SPAM1: variants seen among roughly 807,000 people sequenced by gnomAD.
The protein encoded by SPAM1 is hyaluronidase PH-20.
In SPAM1, 22 loss-of-function variants were observed where a neutral mutation model predicts 29.6. That is an observed-to-expected ratio of 0.74 (90% CI 0.53 to 1.06). The LOEUF (loss-of-function observed/expected upper bound fraction) is 1.06. SPAM1 is among the 50% of genes least tolerant of loss of function. The pLI, the probability that SPAM1 is intolerant of heterozygous loss-of-function variation, is 0.00. For missense variants in SPAM1, 534 were observed against 604.0 expected, an observed-to-expected ratio of 0.88 and a Z score of 1.21; for synonymous variants, 194 against 204.6, an observed-to-expected ratio of 0.95 and a Z score of 0.44.
chr7:123,962,804 T>A (rs959685117), downstream of SPAM1, among the ~76,000 whole-genome samples: 1 of 151,932 alleles, frequency 6.6e-6, no homozygotes, highest in East Asian at 1.9e-4. Context: ...AGTTTTTTTG[T>A]ACATAATTCT....
intron 1 of SPAM1, among the ~76,000 whole-genome samples, chr7:123,931,830 C>T (rs776204935): frequency 3.3e-5 from 5 of 152,014 alleles, no homozygotes; most frequent in African/African-American, 4.8e-5. Context: ...GGTTACAAGC[C>T]GAGATCTCAG....
At position 123,943,737 on chromosome 7, in the gene SPAM1, A is replaced by G. The variant is rs528369661; in HGVS notation, c.-318-6135A>G. Among the ~76,000 whole-genome samples, 143 of 152,274 alleles carry G rather than the reference A, an allele frequency of 9.4e-4. 1 individual carries two copies. Among genetic ancestry groups the G allele is most frequent in the South Asian group, 3.1e-3 (15 of 4,828 alleles). On this transcript the variant is annotated intron_variant, in intron 1 of 4. Coordinates refer to ENST00000682466, the MANE Select transcript of SPAM1 (RefSeq NM_153189.3). Reference sequence around the variant, plus strand: ...AAATATAAAATGTTTAGAACCCTTGATATCACAAAATAGGATTACAGTCAT... The same window carrying G: ...AAATATAAAATGTTTAGAACCCTTGGTATCACAAAATAGGATTACAGTCAT...
At chr7:123,926,337 A>G (rs10237748) in intron 1 of SPAM1, among the ~76,000 whole-genome samples, 2,393 of 152,296 alleles carry the variant, frequency 0.016, 63 homozygotes, top group African/African-American at 0.055. Context: ...AAAGGCACGG[A>G]CCACAGACTG....
At chr7:123,969,832 A>C (rs1032459101) in intron 5 of SPAM1, among the ~76,000 whole-genome samples, 7 of 151,910 alleles carry the variant, frequency 4.6e-5, no homozygotes, top group African/African-American at 1.7e-4. Flanking sequence ...ACTTATGTGA[A>C]AAATGACATT....
intron 1 of SPAM1, among the ~76,000 whole-genome samples, chr7:123,944,380 G>A (rs1027012144): frequency 2.0e-5 from 3 of 152,184 alleles, no homozygotes; most frequent in Non-Finnish European, 2.9e-5. Flanking sequence ...AAAGTTACAC[G>A]GATGTAATAA....
intron 1 of SPAM1, among the ~76,000 whole-genome samples, chr7:123,927,046 TC>T (rs1807909118): frequency 6.6e-6 from 1 of 152,134 alleles, no homozygotes; most frequent in Admixed American, 6.6e-5. Context: ...AGGAAATAGA[TC>T]TTGGGGTTAA....
chr7:123,932,275 C>T (rs1238711035), intron 1 of SPAM1: 1 of 152,210 alleles, frequency 6.6e-6, no homozygotes, highest in Non-Finnish European at 1.5e-5. Flanking sequence ...GTTGTGCTTC[C>T]TCGGGTGGGA....
In SPAM1 at chr7:123,953,487, C is replaced by A; in HGVS notation, c.-84C>A. ...GTGAATTCATTCCATTCCCTTTCAT[C>A]TGTGCTCATACTTTGCATCAGATAT... On this transcript the variant is annotated 5_prime_UTR_variant, in exon 3 of 5. It adds an upstream start codon to the 5' untranslated region. Coordinates refer to ENST00000682466, the MANE Select transcript of SPAM1 (RefSeq NM_153189.3). The A allele has an allele frequency of 2.8e-6, 2 of 708,182 alleles. No homozygotes were observed. Among genetic ancestry groups the A allele is most frequent in the Non-Finnish European group, 4.6e-6 (2 of 430,448 alleles). The allele number at this position is 708,182 out of a possible 1,614,324, so 43.9% of individuals were successfully genotyped here. A position where few individuals can be genotyped will look rare whatever the true frequency, so the allele number is the denominator to read the frequency against.
intron 1 of SPAM1, among the ~76,000 whole-genome samples, chr7:123,931,744 C>T (rs1404227182): frequency 1.3e-5 from 2 of 152,060 alleles, no homozygotes; most frequent in South Asian, 2.1e-4. Flanking sequence ...TGTTCCTAGC[C>T]TTATGGTAGC....
Position 123,953,430 on chromosome 7 carries a change from A to G in SPAM1, c.-141A>G. On this transcript the variant is annotated 5_prime_UTR_variant, in exon 3 of 5. The change abolishes the stop of an existing upstream ORF in the 5' untranslated region. Transcript: ENST00000682466. ...AACAAGAATAATAATATTTAAATGT[A>G]ACTTAATCATTATACCTCTTTATCC... 1 of 513,704 alleles carries G rather than the reference A, an allele frequency of 1.9e-6. No individual in the cohort carries two copies. The highest frequency in any genetic ancestry group is 3.4e-6 in the Non-Finnish European group (1 of 295,406). 31.8% of individuals were successfully genotyped at this position (513,704 alleles called of 1,614,324 possible). A position where few individuals can be genotyped will look rare whatever the true frequency, so the allele number is the denominator to read the frequency against.
intron 1 of SPAM1, among the ~76,000 whole-genome samples, chr7:123,947,956 A>G (rs1808638757): frequency 6.6e-6 from 1 of 152,164 alleles, no homozygotes; most frequent in African/African-American, 2.4e-5. Flanking sequence ...GGGAAAGTTA[A>G]GACGAGGCTG....
At chr7:123,928,340 A>G (rs1451309925) in intron 1 of SPAM1, among the ~76,000 whole-genome samples, 3 of 152,172 alleles carry the variant, frequency 2.0e-5, no homozygotes, top group African/African-American at 7.2e-5. Flanking sequence ...TTAGATTGAT[A>G]TGGGTTTCCA....
intron 2 of SPAM1, among the ~76,000 whole-genome samples, chr7:123,952,600 A>G (rs995509052): frequency 1.3e-5 from 2 of 152,116 alleles, no homozygotes; most frequent in African/African-American, 4.8e-5. Flanking sequence ...ACAACACTTC[A>G]CTTTGTCACA....
chr7:123,952,586 T>G (rs1242720114), intron 2 of SPAM1, among the ~76,000 whole-genome samples: 7 of 152,130 alleles, frequency 4.6e-5, no homozygotes, highest in Non-Finnish European at 8.8e-5. Context: ...CTAAAGTATG[T>G]GCTACAACAC....
chr7:123,942,110 T>C (rs1344215494), intron 1 of SPAM1, among the ~76,000 whole-genome samples: 1 of 152,202 alleles, frequency 6.6e-6, no homozygotes, highest in African/African-American at 2.4e-5. Flanking sequence ...TCTTCTAAAG[T>C]TTAAGTTGTC....
rs369551175 is a variant in SPAM1 at position 123,953,873 on chromosome 7, C to T, written c.303C>T (p.Tyr101=). 3.1e-6 allele frequency: 5 copies of T among 1,613,726 alleles called. No individual in the cohort carries two copies. The highest frequency in any genetic ancestry group is 4.2e-6 in the Non-Finnish European group (5 of 1,179,810). Residue 101 remains tyrosine, a synonymous_variant, in exon 3 of 5, where the codon TAC becomes TAT. Transcript: ENST00000682466. ...TTGATAGACTTGGCTACTATCCTTA[C>T]ATAGATTCAATCACAGGAGTAACTG... The part of the protein sequence containing the change: ...FYVDRLGYYP[Y]IDSITGVTVN...
intron 1 of SPAM1, among the ~76,000 whole-genome samples, chr7:123,935,232 C>T (rs1260055361): frequency 6.6e-6 from 1 of 152,026 alleles, no homozygotes; most frequent in African/African-American, 2.4e-5. Flanking sequence ...AGCAGAGTGC[C>T]CTTCTTGCAT....
At position 123,937,549 on chromosome 7, in the gene SPAM1, C is replaced by T. The variant is rs993454151; in HGVS notation, c.-319+12197C>T. 9.9e-5 allele frequency among the ~76,000 whole-genome samples: 14 copies of T among 141,604 alleles called. 1 individual carries two copies. The highest frequency in any genetic ancestry group is 7.8e-3 in the Middle Eastern group (2 of 256). 92.9% of individuals were successfully genotyped at this position (141,604 alleles called of 152,430 possible). A position where few individuals can be genotyped will look rare whatever the true frequency, so the allele number is the denominator to read the frequency against. On this transcript the variant is annotated intron_variant, in intron 1 of 4. Coordinates refer to ENST00000682466, the MANE Select transcript of SPAM1 (RefSeq NM_153189.3). ...CCGGGAGGCGGAGCTTGCAGTGAGCCGAGATCGCGCCACTGCACTCCAGCC... is the reference window on the plus strand; with the variant it reads ...CCGGGAGGCGGAGCTTGCAGTGAGCTGAGATCGCGCCACTGCACTCCAGCC...
At chr7:123,963,724 T>C (rs936619793), downstream of SPAM1, among the ~76,000 whole-genome samples, 2 of 133,946 alleles carry the variant, frequency 1.5e-5, no homozygotes, top group Admixed American at 1.4e-4. Flanking sequence ...AAGTTTTTCA[T>C]GGGAAGCCCA....
Sources: allele counts gnomAD v4.1 joint callset (sites outside exome capture counted in the v4.1 genomes callset), GRCh38; gene constraint gnomAD v4.1.1; transcripts MANE v1.5; gene names NCBI Gene and HGNC (gene_info 2026-07-23, HGNC 2026-07-21).